LPP: variants seen among roughly 807,000 people sequenced by gnomAD.
LPP encodes the protein lipoma-preferred partner.
A neutral mutation model predicts 60.4 loss-of-function variants in LPP; 38 were observed. The ratio of observed to expected loss-of-function variants is 0.63; its 90% CI spans 0.49 to 0.83. LPP has a LOEUF of 0.83. LPP is among the 40% of genes least tolerant of loss of function. LPP has a pLI of 0.00. For missense variants in LPP, 902 were observed against 783.6 expected (o/e 1.15, Z -1.80); for synonymous variants, 328 against 290.8 (o/e 1.13, Z -1.30).
intron 2 of LPP, among the ~76,000 whole-genome samples, chr3:188,276,894 CTTTT>C (rs1203656488): frequency 5.2e-5 from 2 of 38,204 alleles, no homozygotes; most frequent in African/African-American, 2.0e-4. Context: ...CTTTTCTTTT[CTTTT>C]TTTTTTTTTT....
At chr3:188,441,970 A>G (rs372330142) in intron 4 of LPP, among the ~76,000 whole-genome samples, 2 of 152,134 alleles carry the variant, frequency 1.3e-5, no homozygotes, top group South Asian at 2.1e-4. Flanking sequence ...AAAAGAACAT[A>G]TAACTTCCTC....
At chr3:188,548,795 T>C (rs1461194307) in intron 6 of LPP, among the ~76,000 whole-genome samples, 1 of 152,240 alleles carries the variant, frequency 6.6e-6, no homozygotes, top group East Asian at 1.9e-4. Context: ...AGGCCGCAGA[T>C]GGTAGTGATT....
chr3:188,422,626 C>T (rs1182466120), intron 4 of LPP, among the ~76,000 whole-genome samples: 1 of 152,082 alleles, frequency 6.6e-6, no homozygotes, highest in African/African-American at 2.4e-5. Flanking sequence ...AGAAAAAGAA[C>T]AGGAACTCCT....
chr3:188,693,438 C>T (rs1862535269), intron 7 of LPP, among the ~76,000 whole-genome samples: 1 of 152,078 alleles, frequency 6.6e-6, no homozygotes, highest in Non-Finnish European at 1.5e-5. Flanking sequence ...AAAACTTTCA[C>T]CGTTTAACAG....
At chr3:188,170,960 C>CACTGTT (rs1370429946) in intron 1 of LPP, among the ~76,000 whole-genome samples, 1 of 152,120 alleles carries the variant, frequency 6.6e-6, no homozygotes, top group Non-Finnish European at 1.5e-5. Context: ...TGGGAGATTT[C>CACTGTT]ACGTAACAGT....
In LPP at chr3:188,887,240, T is replaced by C. The variant is rs1213531527; in HGVS notation, c.*12761T>C. The C allele has an allele frequency of 9.0e-6, 2 of 221,032 alleles. No homozygotes were observed. The highest frequency in any genetic ancestry group is 1.8e-5 in the Non-Finnish European group (2 of 110,482). 13.7% of individuals were successfully genotyped at this position (221,032 alleles called of 1,614,324 possible). ...AAATGCAAAATGGGAAGAGCTAGCT[T>C]TTCTTAGATACATTTCTTCCTTTTT... On this transcript the variant is annotated 3_prime_UTR_variant, in exon 12 of 12. Coordinates refer to ENST00000617246, the MANE Select transcript of LPP (RefSeq NM_001375462.1).
At chr3:188,800,529 G>A (rs1746877430) in intron 9 of LPP, among the ~76,000 whole-genome samples, 1 of 152,142 alleles carries the variant, frequency 6.6e-6, no homozygotes, top group South Asian at 2.1e-4. Flanking sequence ...ACAGGCGTGA[G>A]CCACCACACC....
chr3:188,183,970 A>G (rs528710870), intron 1 of LPP, among the ~76,000 whole-genome samples: 1 of 152,174 alleles, frequency 6.6e-6, no homozygotes, highest in African/African-American at 2.4e-5. Context: ...ATGGTAGCAG[A>G]TGTCAAAAAT....
intron 6 of LPP, among the ~76,000 whole-genome samples, chr3:188,543,347 C>G (rs1319142138): frequency 1.3e-5 from 2 of 151,990 alleles, no homozygotes; most frequent in Admixed American, 6.6e-5. Flanking sequence ...AAAAACCAAG[C>G]AGCTGAAAAC....
chr3:188,449,527 A>G (rs897033380), intron 4 of LPP, among the ~76,000 whole-genome samples: 5 of 152,158 alleles, frequency 3.3e-5, no homozygotes, highest in African/African-American at 1.2e-4. Flanking sequence ...AACAAACTCC[A>G]TGAGACAGGG....
At chr3:188,488,371 T>C (rs1054359475) in intron 5 of LPP, among the ~76,000 whole-genome samples, 10 of 144,250 alleles carry the variant, frequency 6.9e-5, no homozygotes, top group Non-Finnish European at 1.6e-4. Flanking sequence ...CTCATTTTCA[T>C]GTGGGAAGAT....
At chr3:188,757,895 T>TGG (rs1223654989) in intron 8 of LPP, among the ~76,000 whole-genome samples, 67 of 144,162 alleles carry the variant, frequency 4.6e-4, no homozygotes, top group Middle Eastern at 3.5e-3. Flanking sequence ...TTTGGTTTTT[T>TGG]TTTTTTTTTT....
chr3:188,774,872 A>G (rs1737222261), intron 9 of LPP, among the ~76,000 whole-genome samples: 2 of 152,130 alleles, frequency 1.3e-5, no homozygotes, highest in Admixed American at 6.5e-5. Context: ...GGCCCCATAT[A>G]CACATACTAT....
At chr3:188,866,495 G>T (rs1299823300) in intron 10 of LPP, 117 bp downstream of exon 10, 2 of 857,158 alleles carry the variant, frequency 2.3e-6, no homozygotes, top group Non-Finnish European at 3.2e-6. Flanking sequence ...AGGATTTAGT[G>T]AGGCTTTTAA....
chr3:188,275,611 C>T (rs898470673), intron 2 of LPP, among the ~76,000 whole-genome samples: 2 of 152,190 alleles, frequency 1.3e-5, no homozygotes, highest in African/African-American at 4.8e-5. Flanking sequence ...TTCTTCTCAG[C>T]AATGATGGTC....
At chr3:188,738,207 C>T (rs1424148211) in intron 8 of LPP, among the ~76,000 whole-genome samples, 1 of 151,922 alleles carries the variant, frequency 6.6e-6, no homozygotes, top group Admixed American at 6.6e-5. Context: ...TGTTTTTTTT[C>T]AAATGATGAT....
chr3:188,797,851 G>A (rs1167609140), intron 9 of LPP, among the ~76,000 whole-genome samples: 1 of 152,114 alleles, frequency 6.6e-6, no homozygotes, highest in Non-Finnish European at 1.5e-5. Flanking sequence ...CTTTCTATTT[G>A]TGTTTCCCAA....
rs3841956 is a variant in LPP at position 188,760,409 on chromosome 3, GGTGT to G, written c.1410+151_1410+154del. 7.0e-4 allele frequency: 420 copies of G among 601,848 alleles called. 1 individual carries two copies. Among genetic ancestry groups the G allele is most frequent in the South Asian group, 2.4e-3 (123 of 51,590 alleles). The allele number at this position is 601,848 out of a possible 1,614,324, so 37.3% of individuals were successfully genotyped here. ...CCTAGACTTCAAAATGTGTGTGTGG[GGTGT>G]GTGTGTGTGTGTGTGTGTGTGTGCG... On this transcript the variant is annotated intron_variant, in intron 9 of 11. Transcript: ENST00000617246.
At chr3:188,222,258 C>A (rs1284305070) in intron 1 of LPP, among the ~76,000 whole-genome samples, 1 of 152,008 alleles carries the variant, frequency 6.6e-6, no homozygotes, top group Non-Finnish European at 1.5e-5. Flanking sequence ...AGTCAGGAGA[C>A]ATACAGTATC....
Sources: allele counts gnomAD v4.1 joint callset (sites outside exome capture counted in the v4.1 genomes callset), GRCh38; gene constraint gnomAD v4.1.1; transcripts MANE v1.5; gene names NCBI Gene and HGNC (gene_info 2026-07-23, HGNC 2026-07-21).